The following CNTNAP2 variants were observed in gnomAD, a reference collection of about 807,000 sequenced individuals.
CNTNAP2 encodes the protein contactin associated protein 2.
CNTNAP2 carries 98 observed loss-of-function variants against 155.2 expected under a neutral mutation model. That is an observed-to-expected ratio of 0.63 (90% confidence interval 0.54 to 0.75). The LOEUF (loss-of-function observed/expected upper bound fraction) is 0.75, where lower values mean the gene tolerates loss of function less well. CNTNAP2 is among the 30% of genes least tolerant of loss of function. The pLI is 0.00. For synonymous variants in CNTNAP2, 651 were observed against 631.2 expected (o/e 1.03, Z -0.47); for missense variants, 1,727 against 1,688.1 (o/e 1.02, Z -0.40).
At chr7:146,182,438 G>T in intron 1 of CNTNAP2, among the ~76,000 whole-genome samples, 1 of 152,074 alleles carries the variant, frequency 6.6e-6, no homozygotes, top group Non-Finnish European at 1.5e-5. Flanking sequence ...CTACATATAG[G>T]CAAGCAGAGA....
At chr7:146,976,802 G>A (rs544239087) in intron 3 of CNTNAP2, among the ~76,000 whole-genome samples, 30 of 152,214 alleles carry the variant, frequency 2.0e-4, no homozygotes, top group Admixed American at 7.2e-4. Context: ...AGCGAAACCC[G>A]GCAAAGCCTG....
intron 9 of CNTNAP2, among the ~76,000 whole-genome samples, chr7:147,390,094 AAC>A (rs1474713081): frequency 1.3e-5 from 2 of 152,190 alleles, no homozygotes; most frequent in Non-Finnish European, 1.5e-5. Context: ...AAAGAGAACA[AAC>A]ACAGAAAATA....
rs75549346 is a variant in CNTNAP2, at chr7:146,213,897, G to A, written c.97+96924G>A. The stretch of plus-strand genomic sequence containing the variant: ...TGAAATCCATGGCATTAATTTTTCT[G>A]CCTAACAGCCTACACTCTATATTGA... On this transcript the variant is annotated intron_variant, in intron 1 of 23. Transcript: ENST00000361727. 2.3e-3 allele frequency among the ~76,000 whole-genome samples: 355 copies of A among 151,900 alleles called. 2 individuals carry two copies. Among genetic ancestry groups the A allele is most frequent in the Middle Eastern group, 0.017 (5 of 294 alleles).
At chr7:146,866,121 G>A (rs923396399) in intron 3 of CNTNAP2, among the ~76,000 whole-genome samples, 1 of 152,012 alleles carries the variant, frequency 6.6e-6, no homozygotes, top group African/African-American at 2.4e-5. Flanking sequence ...TCATTCCAAT[G>A]TTCCCCCCGA....
intron 3 of CNTNAP2, among the ~76,000 whole-genome samples, chr7:146,978,710 T>TAA (rs1253880555): frequency 6.6e-6 from 1 of 151,052 alleles, no homozygotes; most frequent in Non-Finnish European, 1.5e-5. Flanking sequence ...CATATATATA[T>TAA]AATATATATA....
chr7:146,216,890 C>A (rs2116890721), intron 1 of CNTNAP2, among the ~76,000 whole-genome samples: 1 of 152,278 alleles, frequency 6.6e-6, no homozygotes, highest in Middle Eastern at 3.4e-3. Flanking sequence ...GGTGATGAGT[C>A]ATCCATAAAA....
chr7:148,206,202 A>G (rs2116737905), intron 18 of CNTNAP2, among the ~76,000 whole-genome samples: 1 of 147,998 alleles, frequency 6.8e-6, no homozygotes, highest in East Asian at 1.9e-4. Context: ...ATTACATATA[A>G]TATATATTAT....
chr7:146,852,613 A>C (rs1794899696), intron 3 of CNTNAP2, among the ~76,000 whole-genome samples: 2 of 152,196 alleles, frequency 1.3e-5, no homozygotes, highest in South Asian at 4.1e-4. Context: ...TTATTTATTA[A>C]AAACTGGATT....
chr7:146,218,316 T>C (rs916198611), intron 1 of CNTNAP2, among the ~76,000 whole-genome samples: 11 of 152,130 alleles, frequency 7.2e-5, no homozygotes, highest in Non-Finnish European at 1.5e-4. Context: ...GAGACCATCC[T>C]GGCTAACACG....
intron 16 of CNTNAP2, among the ~76,000 whole-genome samples, chr7:148,132,346 A>G (rs963599661): frequency 4.8e-5 from 7 of 145,966 alleles, no homozygotes; most frequent in African/African-American, 7.5e-5. Flanking sequence ...AGATGTTTCT[A>G]TTTCTTTTGT....
rs1439888610 is a variant in CNTNAP2, at chr7:146,930,031, G to T, written c.402+90127G>T. Among the ~76,000 whole-genome samples, 3 of 152,258 alleles carry T rather than the reference G, an allele frequency of 2.0e-5. No homozygotes were observed. In the East Asian group the frequency reaches 5.8e-4, roughly 29 times the overall value. Reference sequence around the variant, plus strand: ...AAACACTCTGCAGGATATTATCCAGGAGAACTTCCCCAATCTAGCAAGGCA... The same window carrying T: ...AAACACTCTGCAGGATATTATCCAGTAGAACTTCCCCAATCTAGCAAGGCA... On this transcript the variant is annotated intron_variant, in intron 3 of 23. Transcript: ENST00000361727.
rs192125378 is a variant in CNTNAP2 at position 147,835,919 on chromosome 7, G to A, written c.2099-67646G>A. Among the ~76,000 whole-genome samples, 27 of 152,248 alleles carry A rather than the reference G, an allele frequency of 1.8e-4. No individual in the cohort carries two copies. The East Asian group carries it at 5.0e-3, about 28-fold the overall frequency. ...CAGGAGCCATGAGAAGCTGAAAGAG[G>A]CAACAAACCTCCTCCCCTGGAGCTG... On this transcript the variant is annotated intron_variant, in intron 13 of 23. Transcript: ENST00000361727.
intron 1 of CNTNAP2, among the ~76,000 whole-genome samples, chr7:146,456,756 T>C (rs1315536879): frequency 6.6e-6 from 1 of 152,100 alleles, no homozygotes; most frequent in Non-Finnish European, 1.5e-5. Flanking sequence ...AAAATAAATC[T>C]TAGGGTTTCA....
At chr7:147,632,404 C>T (rs1795102256) in intron 12 of CNTNAP2, among the ~76,000 whole-genome samples, 2 of 152,068 alleles carry the variant, frequency 1.3e-5, no homozygotes, top group African/African-American at 4.8e-5. Context: ...GGGGTGGTTT[C>T]CCTAATCCTG....
intron 3 of CNTNAP2, among the ~76,000 whole-genome samples, chr7:146,976,414 CTT>C (rs1563028708): frequency 6.6e-6 from 1 of 152,138 alleles, no homozygotes; most frequent in Non-Finnish European, 1.5e-5. Context: ...GCCCCAGGCT[CTT>C]TTACCTGTGC....
At chr7:146,579,404 C>T (rs1798575986) in intron 1 of CNTNAP2, among the ~76,000 whole-genome samples, 1 of 152,064 alleles carries the variant, frequency 6.6e-6, no homozygotes, top group East Asian at 1.9e-4. Flanking sequence ...CTATACACCA[C>T]GCTCCATTGA....
chr7:147,234,085 T>C (rs1290247056), intron 8 of CNTNAP2, among the ~76,000 whole-genome samples: 2 of 151,584 alleles, frequency 1.3e-5, no homozygotes, highest in East Asian at 1.9e-4. Context: ...GCTATTTTAT[T>C]CATTTGATTT....
At position 147,882,171 on chromosome 7, in the gene CNTNAP2, T is replaced by C. The variant is rs556912949; in HGVS notation, c.2099-21394T>C. 4.0e-5 allele frequency among the ~76,000 whole-genome samples: 6 copies of C among 151,894 alleles called. No individual in the cohort carries two copies. The East Asian group carries it at 9.7e-4, about 25-fold the overall frequency. ...AAAAAAAAATCATAGAATCATGAAA[T>C]AATAAAGCCAGAAACAGAGATCATC... On this transcript the variant is annotated intron_variant, in intron 13 of 23. Coordinates refer to ENST00000361727, the MANE Select transcript of CNTNAP2 (RefSeq NM_014141.6).
intron 9 of CNTNAP2, among the ~76,000 whole-genome samples, chr7:147,320,595 G>T (rs1051937234): frequency 6.6e-6 from 1 of 152,138 alleles, no homozygotes; most frequent in Non-Finnish European, 1.5e-5. Context: ...GTCAGGTCAA[G>T]GTTTCATTTC....
Sources: allele counts gnomAD v4.1 joint callset (sites outside exome capture counted in the v4.1 genomes callset), GRCh38; gene constraint gnomAD v4.1.1; transcripts MANE v1.5; gene names NCBI Gene and HGNC (gene_info 2026-07-23, HGNC 2026-07-21).